Variants in VAV1 observed in about 807,000 individuals in gnomAD.
The protein encoded by VAV1 is vav guanine nucleotide exchange factor 1, also known as proto-oncogene vav.
Under a neutral mutation model 128.1 loss-of-function variants are expected in VAV1, and 33 were observed. The observed-to-expected ratio is 0.26, with a 90% confidence interval of 0.20 to 0.34. The LOEUF is 0.34. VAV1 is among the 10% of genes least tolerant of loss of function. The probability of loss-of-function intolerance (pLI) is 1.00; values close to 1 mark genes in which losing one functional copy is unlikely to be tolerated. For missense variants in VAV1, 715 were observed against 1,093.7 expected (o/e 0.65, Z 4.88); for synonymous variants, 394 against 409.8 (o/e 0.96, Z 0.47).
Position 6,826,606 on chromosome 19 carries a change from C to A in VAV1, c.828-6C>A. On this transcript the variant is annotated splice_polypyrimidine_tract_variant and splice_region_variant and intron_variant, in intron 8 of 26. Transcript: ENST00000602142. The surrounding 1 kb of genome is among the most constrained non-coding windows in gnomAD (Gnocchi z 4.1). Reference sequence around the variant, plus strand: ...CTTTACCTGGTGGCCTGTCTTCTCCCTGTAGGTTCCTCGTCTATGGCCGCT... The same window carrying A: ...CTTTACCTGGTGGCCTGTCTTCTCCATGTAGGTTCCTCGTCTATGGCCGCT... 6.4e-7 allele frequency: 1 copy of A among 1,551,506 alleles called. No homozygotes were observed. The highest frequency in any genetic ancestry group is 1.2e-5 in the South Asian group (1 of 84,144).
chr19:6,851,360 T>G (rs902334614), intron 24 of VAV1, among the ~76,000 whole-genome samples: 2 of 152,038 alleles, frequency 1.3e-5, no homozygotes, highest in Admixed American at 1.3e-4. Context: ...AAATTTTTTT[T>G]TTGTAGAGAT....
intron 22 of VAV1, among the ~76,000 whole-genome samples, chr19:6,847,247 A>C (rs1972546305): frequency 6.6e-6 from 1 of 152,118 alleles, no homozygotes; most frequent in South Asian, 2.1e-4. Context: ...CTGCGCCGCC[A>C]TCACTGCCGT....
At chr19:6,812,470 C>A (rs1272260474) in intron 1 of VAV1, among the ~76,000 whole-genome samples, 1 of 152,122 alleles carries the variant, frequency 6.6e-6, no homozygotes, top group Non-Finnish European at 1.5e-5. Context: ...GCCTGGCCAA[C>A]ATGGTGAAAC....
intron 1 of VAV1, among the ~76,000 whole-genome samples, chr19:6,774,899 C>G (rs1334220191): frequency 6.6e-6 from 1 of 151,380 alleles, no homozygotes; most frequent in Non-Finnish European, 1.5e-5. Context: ...CGACTACAGG[C>G]ACACATCACC....
chr19:6,798,659 T>TTC (rs1971193983), intron 1 of VAV1, among the ~76,000 whole-genome samples: 2 of 145,326 alleles, frequency 1.4e-5, no homozygotes, highest in Non-Finnish European at 1.5e-5. Context: ...TTTCTCCCCT[T>TTC]CCCCCCCCCA....
intron 1 of VAV1, among the ~76,000 whole-genome samples, chr19:6,807,027 C>A (rs1487427102): frequency 6.6e-6 from 1 of 152,120 alleles, no homozygotes; most frequent in Admixed American, 6.6e-5. Context: ...AGAGGTTTGG[C>A]TACTGTAACA....
intron 1 of VAV1, among the ~76,000 whole-genome samples, chr19:6,802,502 T>C (rs1054538778): frequency 6.6e-6 from 1 of 152,050 alleles, no homozygotes; most frequent in African/African-American, 2.4e-5. Context: ...GGAGAGGGGA[T>C]GAATCATGCC....
At position 6,822,126 on chromosome 19, in the gene VAV1, G is replaced by A. The variant is rs767370819; in HGVS notation, c.450-95G>A. 3.4e-5 allele frequency: 43 copies of A among 1,277,168 alleles called. No homozygotes were observed. The highest frequency in any genetic ancestry group is 4.4e-5 in the Non-Finnish European group (40 of 908,184). 79.1% of individuals were successfully genotyped at this position (1,277,168 alleles called of 1,614,324 possible). A position where few individuals can be genotyped will look rare whatever the true frequency, so the allele number is the denominator to read the frequency against. ...CTTGGAGTCTGAGGTCCCACCCTTGGAGTCTTGGGGGGACAAAGCCCTGCG... is the reference window on the plus strand; with the variant it reads ...CTTGGAGTCTGAGGTCCCACCCTTGAAGTCTTGGGGGGACAAAGCCCTGCG... On this transcript the variant is annotated intron_variant, in intron 4 of 26. Coordinates refer to ENST00000602142, the MANE Select transcript of VAV1 (RefSeq NM_005428.4). This position sits in a 1 kb window ranked among gnomAD's most constrained non-coding sequence, Gnocchi z 5.9.
chr19:6,816,503 T>A, intron 1 of VAV1: 1 of 130,118 alleles, frequency 7.7e-6, no homozygotes, highest in Non-Finnish European at 1.6e-5. Context: ...TCTCTCTCTC[T>A]CTCACACGCA....
At chr19:6,800,018 C>T (rs1263356105) in intron 1 of VAV1, among the ~76,000 whole-genome samples, 2 of 151,800 alleles carry the variant, frequency 1.3e-5, no homozygotes, top group Non-Finnish European at 2.9e-5. Flanking sequence ...ACTTACCAGG[C>T]CAGTCACGGC....
At chr19:6,782,888 A>G (rs901747213) in intron 1 of VAV1, among the ~76,000 whole-genome samples, 6 of 129,862 alleles carry the variant, frequency 4.6e-5, no homozygotes, top group African/African-American at 8.3e-5. Flanking sequence ...GTCTCGGAAG[A>G]AAAAAAAAAA....
Position 6,826,596 on chromosome 19 carries a change from T to C in VAV1, c.828-16T>C, listed in dbSNP as rs1246715215. On this transcript the variant is annotated splice_polypyrimidine_tract_variant and intron_variant, in intron 8 of 26. Transcript: ENST00000602142. This position sits in a 1 kb window ranked among gnomAD's most constrained non-coding sequence, Gnocchi z 4.1. ...TGCCAGTCACCTTTACCTGGTGGCC[T>C]GTCTTCTCCCTGTAGGTTCCTCGTC... 6.5e-7 allele frequency: 1 copy of C among 1,547,898 alleles called. No homozygotes were observed. Among genetic ancestry groups the C allele is most frequent in the South Asian group, 1.2e-5 (1 of 84,052 alleles).
At chr19:6,794,379 C>T (rs999128447) in intron 1 of VAV1, among the ~76,000 whole-genome samples, 11 of 152,100 alleles carry the variant, frequency 7.2e-5, no homozygotes, top group African/African-American at 2.7e-4. Context: ...GTGGCCCATG[C>T]CTGTAATTTC....
chr19:6,840,691 A>AC (rs922377009), intron 21 of VAV1, among the ~76,000 whole-genome samples: 8 of 148,674 alleles, frequency 5.4e-5, no homozygotes, highest in African/African-American at 1.7e-4. Context: ...TGCAGACTCG[A>AC]CCCCCTAAGC....
Position 6,857,214 on chromosome 19 carries a change from G to A in VAV1, c.*107G>A. ...AGCTCCCGGCGGGTGGAGACTTTGG[G>A]ATGGACTGGAGGAGGCCAGCGTCCA... On this transcript the variant is annotated 3_prime_UTR_variant, in exon 27 of 27. Coordinates refer to ENST00000602142, the MANE Select transcript of VAV1 (RefSeq NM_005428.4). 1.3e-6 allele frequency: 2 copies of A among 1,508,622 alleles called. No homozygotes were observed. The highest frequency in any genetic ancestry group is 9.0e-7 in the Non-Finnish European group (1 of 1,109,392). 93.5% of individuals were successfully genotyped at this position (1,508,622 alleles called of 1,614,324 possible).
chr19:6,817,811 C>A lies in VAV1; in HGVS notation c.205-2891C>A, dbSNP rs549916706. Among the ~76,000 whole-genome samples the A allele has an allele frequency of 3.3e-5, 5 of 152,128 alleles. No homozygotes were observed. In the South Asian group the frequency reaches 1.0e-3, roughly 32 times the overall value. On this transcript the variant is annotated intron_variant, in intron 1 of 26. Transcript: ENST00000602142. Reference sequence around the variant, plus strand: ...CAACAATCCTCCTCTCTCAGCCTCCCGAGTAGCTGGGACTACAGGCACCCG... The same window carrying A: ...CAACAATCCTCCTCTCTCAGCCTCCAGAGTAGCTGGGACTACAGGCACCCG...
chr19:6,807,519 C>G (rs1402819004), intron 1 of VAV1, among the ~76,000 whole-genome samples: 1 of 152,030 alleles, frequency 6.6e-6, no homozygotes, highest in African/African-American at 2.4e-5. Flanking sequence ...TGCTAGCTCA[C>G]CTGCCCACCA....
chr19:6,833,604 C>T lies in VAV1; in HGVS notation c.1687C>T (p.Pro563Ser), dbSNP rs1568310526. The T allele has an allele frequency of 6.2e-7, 1 of 1,613,862 alleles. No individual in the cohort carries two copies. The highest frequency in any genetic ancestry group is 8.5e-7 in the Non-Finnish European group (1 of 1,179,840). Residue 563 changes from proline to serine, a missense_variant, in exon 17 of 27, where the codon CCA becomes TCA. Coordinates refer to ENST00000602142, the MANE Select transcript of VAV1 (RefSeq NM_005428.4). Reference protein sequence around the residue: ...AHKECLGRVPPCGRHGQDFPG... With the variant: ...AHKECLGRVPSCGRHGQDFPG... ...CAAGGAGTGTCTGGGGAGGGTCCCT[C>T]CATGTGGCCGACATGGGCAAGGTAC...
At chr19:6,851,398 C>T (rs1972673777) in intron 24 of VAV1, among the ~76,000 whole-genome samples, 1 of 151,898 alleles carries the variant, frequency 6.6e-6, no homozygotes, top group South Asian at 2.1e-4. Context: ...CTCAGGCTGG[C>T]CTTGAACTCC....
Sources: allele counts gnomAD v4.1 joint callset (sites outside exome capture counted in the v4.1 genomes callset), GRCh38; gene constraint gnomAD v4.1.1; non-coding constraint Gnocchi (gnomAD v3.1); transcripts MANE v1.5; gene names NCBI Gene and HGNC (gene_info 2026-07-23, HGNC 2026-07-21).